Variants in SORT1 observed in about 807,000 individuals in gnomAD.
SORT1 encodes the protein sortilin.
A neutral mutation model predicts 101.7 loss-of-function variants in SORT1; 39 were observed. The observed-to-expected ratio is 0.38, with a 90% CI of 0.30 to 0.50. SORT1 has a LOEUF of 0.50. Among genes scored for constraint, SORT1 ranks in the 20% least tolerant of loss-of-function variants. SORT1 has a pLI of 0.90. For missense variants in SORT1, 878 were observed against 1,040.4 expected, an observed-to-expected ratio of 0.84 and a Z score of 2.15; for synonymous variants, 396 against 393.7, an observed-to-expected ratio of 1.01 and a Z score of -0.07.
At chr1:109,371,060 T>C (rs1224524523) in intron 1 of SORT1, among the ~76,000 whole-genome samples, 1 of 152,248 alleles carries the variant, frequency 6.6e-6, no homozygotes, top group South Asian at 2.1e-4. Context: ...GTAAGTACCT[T>C]TGATGTCAAA....
chr1:109,315,313 G>C (rs181582605), intron 17 of SORT1, among the ~76,000 whole-genome samples: 4 of 152,080 alleles, frequency 2.6e-5, no homozygotes, highest in Non-Finnish European at 5.9e-5. Flanking sequence ...TTCTGGGTGG[G>C]AAATAGGGAG....
At chr1:109,325,962 T>C (rs1017987878) in intron 13 of SORT1, among the ~76,000 whole-genome samples, 10 of 152,132 alleles carry the variant, frequency 6.6e-5, no homozygotes, top group Non-Finnish European at 1.0e-4. Flanking sequence ...GATTGCACCA[T>C]TGCACTCCAG....
Position 109,397,620 on chromosome 1 carries a change from G to A in SORT1, c.273C>T (p.Asp91=), listed in dbSNP as rs1653272533. The A allele has an allele frequency of 7.8e-7, 1 of 1,286,648 alleles. No individual in the cohort carries two copies. Among genetic ancestry groups the A allele is most frequent in the Non-Finnish European group, 1.0e-6 (1 of 1,004,442 alleles). 79.7% of individuals were successfully genotyped at this position (1,286,648 alleles called of 1,614,324 possible). ...GEDEECGRVR[D]FVAKLANNTH... is the part of the protein sequence containing the mutation. ...TGTTGTTGGCCAGCTTGGCGACGAAGTCCCGGACCCGGCCGCACTCCTCGT... is the reference window on the plus strand; with the variant it reads ...TGTTGTTGGCCAGCTTGGCGACGAAATCCCGGACCCGGCCGCACTCCTCGT... The change falls in exon 1 of 20, where the codon GAC becomes GAT. Residue 91 remains aspartate, a synonymous_variant. Coordinates refer to ENST00000256637, the MANE Select transcript of SORT1 (RefSeq NM_002959.7).
chr1:109,367,620 GT>G, intron 2 of SORT1, 139 bp from the exon 3 acceptor site: 1 of 544,196 alleles, frequency 1.8e-6, no homozygotes, highest in Non-Finnish European at 3.3e-6. Flanking sequence ...GAAGGATCTA[GT>G]TACTAGGGCT....
At chr1:109,332,371 C>T (rs1021056229) in intron 11 of SORT1, among the ~76,000 whole-genome samples, 2 of 152,052 alleles carry the variant, frequency 1.3e-5, no homozygotes, top group Non-Finnish European at 2.9e-5. Context: ...TCACTTGAGG[C>T]CAGGAGTTCA....
At chr1:109,395,130 CTT>C (rs1011636329) in intron 1 of SORT1, among the ~76,000 whole-genome samples, 7 of 127,928 alleles carry the variant, frequency 5.5e-5, no homozygotes, top group Admixed American at 8.1e-5. Context: ...AAAGGCTCCA[CTT>C]TTTTTTTTTT....
intron 1 of SORT1, among the ~76,000 whole-genome samples, chr1:109,392,409 C>G (rs994184409): frequency 3.9e-5 from 6 of 152,102 alleles, no homozygotes; most frequent in Admixed American, 3.9e-4. Flanking sequence ...AAGATCTGAT[C>G]AAAACAGCAG....
At chr1:109,360,074 G>T (rs1388385612) in intron 3 of SORT1, among the ~76,000 whole-genome samples, 1 of 152,118 alleles carries the variant, frequency 6.6e-6, no homozygotes, top group African/African-American at 2.4e-5. Flanking sequence ...AACTTCATGA[G>T]ATATATTTAT....
At chr1:109,392,723 C>A (rs1053461328) in intron 1 of SORT1, 7 of 984,084 alleles carry the variant, frequency 7.1e-6, no homozygotes, top group Non-Finnish European at 7.2e-6. Flanking sequence ...TCTGCTGATA[C>A]TTCTTACTGA....
intron 17 of SORT1, 43 bp from the exon 18 acceptor site, chr1:109,314,821 T>C (rs930749212): frequency 2.7e-6 from 3 of 1,097,798 alleles, no homozygotes; most frequent in Non-Finnish European, 4.2e-6. Context: ...TAGGCATGCA[T>C]ATCCTAGGAC....
chr1:109,316,269 G>A (rs991537994), intron 17 of SORT1, among the ~76,000 whole-genome samples: 1 of 151,798 alleles, frequency 6.6e-6, no homozygotes, highest in East Asian at 1.9e-4. Context: ...CCAGGTTGGA[G>A]TGTAGCAGCA....
At chr1:109,314,425 AG>A in intron 18 of SORT1, 41 bp from the exon 19 acceptor site, 1 of 1,607,104 alleles carries the variant, frequency 6.2e-7, no homozygotes, top group East Asian at 2.2e-5. Context: ...GGTACACAGC[AG>A]GGGTGCACTT....
chr1:109,384,717 T>C (rs953533527), intron 1 of SORT1, among the ~76,000 whole-genome samples: 51 of 152,108 alleles, frequency 3.4e-4, no homozygotes, highest in East Asian at 7.7e-4. Context: ...TCCAAGAGTA[T>C]GGCATAGGCA....
intron 8 of SORT1, 124 bp downstream of exon 8, chr1:109,345,627 C>T: frequency 1.1e-6 from 1 of 907,252 alleles, no homozygotes; most frequent in East Asian, 2.5e-5. Flanking sequence ...ACCCCTAACA[C>T]TCACAGTGGT....
chr1:109,321,490 A>G (rs1349328104), intron 15 of SORT1, among the ~76,000 whole-genome samples: 1 of 152,186 alleles, frequency 6.6e-6, no homozygotes, highest in Non-Finnish European at 1.5e-5. Flanking sequence ...AACCCTTTAC[A>G]GTGTTACAGG....
chr1:109,376,104 A>C (rs975140415), intron 1 of SORT1, among the ~76,000 whole-genome samples: 14 of 152,130 alleles, frequency 9.2e-5, no homozygotes, highest in African/African-American at 3.4e-4. Context: ...GCACTTTGGG[A>C]GGCCGAGGCG....
At chr1:109,390,308 C>T (rs190802624) in intron 1 of SORT1, among the ~76,000 whole-genome samples, 109 of 152,318 alleles carry the variant, frequency 7.2e-4, no homozygotes, top group African/African-American at 2.5e-3. Context: ...CAGGTCTGGA[C>T]TCCACTCAGT....
At chr1:109,318,119 A>G (rs1647361277) in intron 15 of SORT1, 150 bp from the exon 16 acceptor site, 1 of 546,382 alleles carries the variant, frequency 1.8e-6, no homozygotes, top group East Asian at 3.1e-5. Flanking sequence ...ACACCTCTGA[A>G]GGAGGTCGAT....
intron 3 of SORT1, among the ~76,000 whole-genome samples, chr1:109,358,197 T>C (rs1042081797): frequency 1.1e-4 from 17 of 152,236 alleles, no homozygotes; most frequent in Admixed American, 3.9e-4. Flanking sequence ...AATGAACTAG[T>C]ATCAACCTGC....
Sources: gnomAD v4.1 joint callset for allele counts (sites outside exome capture counted in the v4.1 genomes callset) on GRCh38, gnomAD v4.1.1 for gene constraint, MANE v1.5 for transcripts, NCBI Gene and HGNC (gene_info 2026-07-23, HGNC 2026-07-21) for gene names.